The following THRB variants were observed in gnomAD, a reference collection of about 807,000 sequenced individuals.
THRB encodes nuclear receptor subfamily 1 group A member 2.
A neutral mutation model predicts 47.8 loss-of-function variants in THRB; 12 were observed. The observed-to-expected ratio is 0.25, with a 90% CI of 0.16 to 0.41. The LOEUF (loss-of-function observed/expected upper bound fraction) is 0.41. Ranked by LOEUF, THRB falls within the 10% of genes least tolerant of loss-of-function variation. The probability of loss-of-function intolerance (pLI) is 1.00; values close to 1 mark genes in which losing one functional copy is unlikely to be tolerated. For synonymous variants in THRB, 218 were observed against 212.2 expected (o/e 1.03, Z -0.24); for missense variants, 348 against 589.2 (o/e 0.59, Z 4.24).
intron 4 of THRB, among the ~76,000 whole-genome samples, chr3:24,197,876 C>T (rs998595943): frequency 6.6e-6 from 1 of 152,224 alleles, no homozygotes; most frequent in Non-Finnish European, 1.5e-5. Context: ...TGGCTTTATT[C>T]TTCCTTGTCC....
At chr3:24,262,242 C>T (rs999148587) in intron 3 of THRB, among the ~76,000 whole-genome samples, 4 of 152,174 alleles carry the variant, frequency 2.6e-5, no homozygotes, top group African/African-American at 7.2e-5. Context: ...ATTCTTTCTA[C>T]CTCCATCATT....
Position 24,201,471 on chromosome 3 carries a change from C to G in THRB, c.23-11137G>C, listed in dbSNP as rs553420546. The stretch of plus-strand genomic sequence containing the variant: ...TTCTGCCTCCAGAACAGGTGAATCA[C>G]AATCTGCATTTTAACAAGATCCCCA... On this transcript the variant is annotated intron_variant, in intron 4 of 10. Coordinates refer to ENST00000646209, the MANE Select transcript of THRB (RefSeq NM_001354712.2). Among the ~76,000 whole-genome samples the G allele has an allele frequency of 2.6e-5, 4 of 152,320 alleles. No homozygotes were observed. The East Asian group carries it at 7.7e-4, about 29-fold the overall frequency.
At chr3:24,219,664 AT>A (rs1184127733) in intron 4 of THRB, among the ~76,000 whole-genome samples, 6 of 152,182 alleles carry the variant, frequency 3.9e-5, no homozygotes, top group Admixed American at 3.9e-4. Context: ...AATATTTTAG[AT>A]TTTTTTGTAG....
At position 24,462,870 on chromosome 3, in the gene THRB, C is replaced by T. The variant is rs144241935; in HGVS notation, c.-261+31782G>A. On this transcript the variant is annotated intron_variant, in intron 1 of 10. Transcript: ENST00000646209. Reference sequence around the variant, plus strand: ...CTCAGGCTACCAAGCTCACCCTCATCTGGGCAAGGCACCCAGCTGAGAGGA... The same window carrying T: ...CTCAGGCTACCAAGCTCACCCTCATTTGGGCAAGGCACCCAGCTGAGAGGA... Among the ~76,000 whole-genome samples, 393 of 152,316 alleles carry T rather than the reference C, an allele frequency of 2.6e-3. 4 individuals are homozygous for T. The highest frequency in any genetic ancestry group is 9.0e-3 in the African/African-American group (375 of 41,558).
At chr3:24,437,318 G>A (rs927717978) in intron 1 of THRB, among the ~76,000 whole-genome samples, 1 of 151,924 alleles carries the variant, frequency 6.6e-6, no homozygotes, top group Non-Finnish European at 1.5e-5. Flanking sequence ...TCACTCATAT[G>A]TGGGAGTTAC....
chr3:24,304,508 A>C (rs2057194267), intron 2 of THRB, among the ~76,000 whole-genome samples: 2 of 152,114 alleles, frequency 1.3e-5, no homozygotes, highest in Admixed American at 1.3e-4. Flanking sequence ...GTTCCATCCA[A>C]AGTTATGAAA....
At chr3:24,456,412 T>C (rs1434986669) in intron 1 of THRB, among the ~76,000 whole-genome samples, 3 of 151,902 alleles carry the variant, frequency 2.0e-5, no homozygotes, top group African/African-American at 4.8e-5. Flanking sequence ...TGTCACCTGA[T>C]AGAAATTCTT....
intron 3 of THRB, 56 bp from the exon 4 acceptor site, chr3:24,229,057 G>T: frequency 9.2e-7 from 1 of 1,089,450 alleles, no homozygotes; most frequent in Non-Finnish European, 1.4e-6. Flanking sequence ...TTTCCATAAT[G>T]GTTTTGTTCC....
intron 8 of THRB, among the ~76,000 whole-genome samples, chr3:24,134,786 G>C (rs1220904035): frequency 6.6e-6 from 1 of 152,156 alleles, no homozygotes; most frequent in South Asian, 2.1e-4. Flanking sequence ...CCTTTGCCTA[G>C]AGCCACAGTG....
chr3:24,398,971 C>G (rs551062578), intron 1 of THRB, among the ~76,000 whole-genome samples: 1 of 151,810 alleles, frequency 6.6e-6, no homozygotes, highest in Admixed American at 6.6e-5. Context: ...AGCAAACTAT[C>G]GCAAGGACAA....
intron 2 of THRB, among the ~76,000 whole-genome samples, chr3:24,306,930 T>C (rs2057380626): frequency 6.6e-6 from 1 of 152,086 alleles, no homozygotes. Flanking sequence ...AATTAGTCTA[T>C]CATATCTGGT....
chr3:24,161,124 A>C (rs1420079245), intron 5 of THRB, among the ~76,000 whole-genome samples: 1 of 152,266 alleles, frequency 6.6e-6, no homozygotes, highest in East Asian at 1.9e-4. Flanking sequence ...CTGGGTGCCA[A>C]GAGGCACTTT....
intron 1 of THRB, among the ~76,000 whole-genome samples, chr3:24,354,459 A>G (rs183709516): frequency 9.1e-4 from 139 of 152,328 alleles, no homozygotes; most frequent in Non-Finnish European, 1.8e-3. Context: ...CACACAAAGC[A>G]TAATGAGTGA....
intron 1 of THRB, among the ~76,000 whole-genome samples, chr3:24,462,000 A>G (rs554128877): frequency 6.6e-6 from 1 of 152,356 alleles, no homozygotes; most frequent in African/African-American, 2.4e-5. Context: ...AATTATATAA[A>G]GCCTCATCCT....
intron 1 of THRB, among the ~76,000 whole-genome samples, chr3:24,360,544 G>A (rs770522165): frequency 6.6e-6 from 1 of 152,142 alleles, no homozygotes. Context: ...GCTTTTTACC[G>A]ATACATAATT....
At chr3:24,268,394 C>A (rs1331744812) in intron 3 of THRB, among the ~76,000 whole-genome samples, 1 of 152,146 alleles carries the variant, frequency 6.6e-6, no homozygotes, top group East Asian at 1.9e-4. Flanking sequence ...GAAATGAGAT[C>A]CTTTAAAAAA....
chr3:24,414,752 G>A (rs1193538128), intron 1 of THRB, among the ~76,000 whole-genome samples: 1 of 151,726 alleles, frequency 6.6e-6, no homozygotes, highest in Non-Finnish European at 1.5e-5. Context: ...CATTATATTA[G>A]GAGGAAAATA....
At chr3:24,366,252 A>C (rs1271352587) in intron 1 of THRB, among the ~76,000 whole-genome samples, 2 of 152,172 alleles carry the variant, frequency 1.3e-5, no homozygotes, top group African/African-American at 4.8e-5. Flanking sequence ...CTATATAACA[A>C]GCATTCTCTA....
chr3:24,182,829 C>T (rs1393951447), intron 5 of THRB, among the ~76,000 whole-genome samples: 1 of 152,192 alleles, frequency 6.6e-6, no homozygotes, highest in African/African-American at 2.4e-5. Flanking sequence ...CTCTACTGCT[C>T]CCATCACAGC....
Sources: gnomAD v4.1 joint callset for allele counts (sites outside exome capture counted in the v4.1 genomes callset) on GRCh38, gnomAD v4.1.1 for gene constraint, MANE v1.5 for transcripts, NCBI Gene and HGNC (gene_info 2026-07-23, HGNC 2026-07-21) for gene names.